Variants in DNAH7 observed in about 807,000 individuals in gnomAD.
DNAH7 encodes the protein dynein axonemal heavy chain 7.
Under a neutral mutation model 444.6 loss-of-function variants are expected in DNAH7, and 397 were observed. That is an observed-to-expected ratio of 0.89 (90% CI 0.82 to 0.97). The LOEUF is 0.97. DNAH7 is among the 50% of genes least tolerant of loss of function. The probability of loss-of-function intolerance (pLI) is 0.00; values close to 1 mark genes in which losing one functional copy is unlikely to be tolerated. For missense variants in DNAH7, 4,902 were observed against 4,800.8 expected (o/e 1.02, Z -0.62); for synonymous variants, 1,636 against 1,624.4 (o/e 1.01, Z -0.17).
intron 16 of DNAH7, among the ~76,000 whole-genome samples, chr2:195,971,432 G>A (rs1691833910): frequency 6.6e-6 from 1 of 152,180 alleles, no homozygotes; most frequent in Admixed American, 6.5e-5. Flanking sequence ...ATCCCATCAG[G>A]AGGCAGACTT....
At chr2:195,847,964 A>G (rs1699112064) in intron 46 of DNAH7, among the ~76,000 whole-genome samples, 1 of 152,220 alleles carries the variant, frequency 6.6e-6, no homozygotes. Flanking sequence ...GTGTTCAGAA[A>G]GTCAGAAGTC....
intron 16 of DNAH7, among the ~76,000 whole-genome samples, chr2:195,971,968 G>A (rs991523357): frequency 3.9e-5 from 6 of 152,008 alleles, no homozygotes; most frequent in African/African-American, 1.4e-4. Flanking sequence ...TATCACCTAT[G>A]CATGATATAT....
At chr2:195,853,965 T>C (rs1699548958) in intron 45 of DNAH7, among the ~76,000 whole-genome samples, 1 of 152,200 alleles carries the variant, frequency 6.6e-6, no homozygotes, top group Admixed American at 6.5e-5. Context: ...TAATAATTTA[T>C]GATTATTTAC....
At chr2:195,816,545 C>A in intron 51 of DNAH7, 83 bp downstream of exon 51, 1 of 1,042,744 alleles carries the variant, frequency 9.6e-7, no homozygotes, top group Non-Finnish European at 1.4e-6. Flanking sequence ...TTGTACCACT[C>A]TGAGACAACA....
rs753358791 is a variant in DNAH7 at position 195,834,369 on chromosome 2, G to T, written c.8946-9C>A. 7.6e-6 allele frequency: 12 copies of T among 1,583,518 alleles called. No individual in the cohort carries two copies. The East Asian group carries it at 2.5e-4, about 33-fold the overall frequency. ...GCCACCTTCTTGCATTCCTGAAAAG[G>T]AGGAGAAAGACGATGCTGGTCAAGC... On this transcript the variant is annotated splice_polypyrimidine_tract_variant and intron_variant, in intron 47 of 64. Transcript: ENST00000312428.
chr2:195,770,707 A>G (rs2105937597), intron 61 of DNAH7, among the ~76,000 whole-genome samples: 1 of 152,184 alleles, frequency 6.6e-6, no homozygotes, highest in Admixed American at 6.5e-5. Context: ...CTTATCACTT[A>G]CCAAAATTTG....
At chr2:195,986,242 G>A (rs1467433473) in intron 14 of DNAH7, among the ~76,000 whole-genome samples, 1 of 152,152 alleles carries the variant, frequency 6.6e-6, no homozygotes, top group Non-Finnish European at 1.5e-5. Flanking sequence ...TGGTTTGTGT[G>A]TCTATTTCTC....
chr2:195,886,084 GGAAAGCAGTA>G, intron 34 of DNAH7, 47 bp downstream of exon 34: 4 of 1,524,872 alleles, frequency 2.6e-6, no homozygotes, highest in Non-Finnish European at 3.5e-6. Flanking sequence ...GAAGCTTTGG[GGAAAGCAGTA>G]GATACCTGTC....
intron 1 of DNAH7, among the ~76,000 whole-genome samples, chr2:196,061,478 A>G (rs1698131203): frequency 6.6e-6 from 1 of 152,160 alleles, no homozygotes; most frequent in Admixed American, 6.5e-5. Context: ...GAACTTCCCC[A>G]TATTTTCTTA....
chr2:195,989,810 C>T (rs887787447), intron 12 of DNAH7, among the ~76,000 whole-genome samples: 1 of 152,162 alleles, frequency 6.6e-6, no homozygotes, highest in Non-Finnish European at 1.5e-5. Flanking sequence ...GCTCCTGCCA[C>T]GTGAGACACC....
intron 58 of DNAH7, among the ~76,000 whole-genome samples, chr2:195,784,912 C>CTTTTTTTTTTTTTTTTT: frequency 8.0e-6 from 1 of 124,380 alleles, no homozygotes; most frequent in Non-Finnish European, 1.8e-5. Flanking sequence ...ATCTTTGACC[C>CTTTTTTTTTTTTTTTTT]TTTTTTTTTT....
intron 19 of DNAH7, 29 bp downstream of exon 19, chr2:195,957,232 A>G (rs780169529): frequency 1.4e-6 from 2 of 1,439,856 alleles, no homozygotes; most frequent in Admixed American, 2.2e-5. Flanking sequence ...CAACCAAATA[A>G]TGACATTTTT....
At chr2:195,764,378 G>A (rs1411957572) in intron 61 of DNAH7, among the ~76,000 whole-genome samples, 1 of 152,046 alleles carries the variant, frequency 6.6e-6, no homozygotes, top group Middle Eastern at 3.2e-3. Flanking sequence ...AGTACTGGAA[G>A]TCCTAGTTGG....
At chr2:195,782,893 A>C (rs1260854859) in intron 58 of DNAH7, among the ~76,000 whole-genome samples, 1 of 152,066 alleles carries the variant, frequency 6.6e-6, no homozygotes, top group Non-Finnish European at 1.5e-5. Context: ...CTACAGCACA[A>C]GGCCCCCCCT....
At chr2:195,934,381 T>C (rs1333209276) in intron 21 of DNAH7, among the ~76,000 whole-genome samples, 1 of 152,238 alleles carries the variant, frequency 6.6e-6, no homozygotes, top group Non-Finnish European at 1.5e-5. Flanking sequence ...TTTTGTAGTA[T>C]GGATGGTATT....
intron 47 of DNAH7, among the ~76,000 whole-genome samples, chr2:195,842,087 T>A (rs1216619435): frequency 6.6e-6 from 1 of 152,038 alleles, no homozygotes; most frequent in African/African-American, 2.4e-5. Flanking sequence ...CTAATATATC[T>A]CTCTTCTATG....
At chr2:195,970,642 C>A in intron 16 of DNAH7, among the ~76,000 whole-genome samples, 1 of 152,110 alleles carries the variant, frequency 6.6e-6, no homozygotes, top group East Asian at 1.9e-4. Flanking sequence ...CAGATTTAAA[C>A]ACTTAAAAAC....
chr2:196,039,594 T>TA (rs770396874), intron 5 of DNAH7, among the ~76,000 whole-genome samples: 1 of 152,066 alleles, frequency 6.6e-6, no homozygotes, highest in Non-Finnish European at 1.5e-5. Flanking sequence ...GGCCAGGAGT[T>TA]AGAGACTAGC....
At chr2:196,032,202 T>C (rs956184889) in intron 5 of DNAH7, among the ~76,000 whole-genome samples, 1 of 152,134 alleles carries the variant, frequency 6.6e-6, no homozygotes, top group Non-Finnish European at 1.5e-5. Flanking sequence ...TGAGACTTAC[T>C]CATTACCATG....
Sources: gnomAD v4.1 joint callset for allele counts (sites outside exome capture counted in the v4.1 genomes callset) on GRCh38, gnomAD v4.1.1 for gene constraint, MANE v1.5 for transcripts, NCBI Gene and HGNC (gene_info 2026-07-23, HGNC 2026-07-21) for gene names.